Variants in POU6F2 observed in about 807,000 individuals in gnomAD.
POU6F2 encodes POU domain, class 6, transcription factor 2.
Under a neutral mutation model 71.3 loss-of-function variants are expected in POU6F2, and 31 were observed. The observed-to-expected ratio is 0.43, with a 90% CI of 0.33 to 0.59. The LOEUF is 0.59. POU6F2 is among the 20% of genes least tolerant of loss of function. The pLI is 0.04. For synonymous variants in POU6F2, 347 were observed against 355.7 expected, an observed-to-expected ratio of 0.98 and a Z score of 0.27; for missense variants, 783 against 856.8, an observed-to-expected ratio of 0.91 and a Z score of 1.07.
chr7:39,396,391 T>C (rs1200903106), intron 5 of POU6F2, among the ~76,000 whole-genome samples: 1 of 152,218 alleles, frequency 6.6e-6, no homozygotes, highest in East Asian at 1.9e-4. Flanking sequence ...ATTTATTTCC[T>C]TCCCCTCCCT....
intron 5 of POU6F2, among the ~76,000 whole-genome samples, chr7:39,352,582 G>T (rs1188238830): frequency 1.3e-5 from 2 of 152,142 alleles, no homozygotes; most frequent in African/African-American, 4.8e-5. Context: ...ACCTCTTAAG[G>T]GGGCAGGGGT....
Position 39,246,905 on chromosome 7 carries a change from C to CTTTTTTTTTTTTTTTT in POU6F2, c.598+39293_598+39308dup, listed in dbSNP as rs398004470. Among the ~76,000 whole-genome samples the CTTTTTTTTTTTTTTTT allele has an allele frequency of 1.3e-3, 100 of 78,154 alleles. 7 individuals carry two copies. The highest frequency in any genetic ancestry group is 3.3e-3 in the African/African-American group (57 of 17,084). 51.3% of individuals were successfully genotyped at this position (78,154 alleles called of 152,430 possible). Reference sequence around the variant, plus strand: ...CCAGCTCACCCCAAATCCAGGGTGGCTTTTTTTTTTTTTTTTTTTTTTTGC... The same window carrying CTTTTTTTTTTTTTTTT: ...CCAGCTCACCCCAAATCCAGGGTGGCTTTTTTTTTTTTTTTTTTTTTTTTTTTTTTTTTTTTTTTGC... On this transcript the variant is annotated intron_variant, in intron 4 of 9. Coordinates refer to ENST00000518318, the MANE Select transcript of POU6F2 (RefSeq NM_001370959.1).
intron 4 of POU6F2, among the ~76,000 whole-genome samples, chr7:39,253,793 TCTGA>T (rs1783969396): frequency 6.6e-6 from 1 of 152,182 alleles, no homozygotes. Context: ...CGGCTAAGCT[TCTGA>T]TGAAGTTATT....
chr7:39,263,100 T>G (rs1784170141), intron 4 of POU6F2, among the ~76,000 whole-genome samples: 1 of 152,236 alleles, frequency 6.6e-6, no homozygotes, highest in Non-Finnish European at 1.5e-5. Context: ...TTTTGTGTGC[T>G]TTTTATTATT....
intron 6 of POU6F2, among the ~76,000 whole-genome samples, chr7:39,415,260 C>T (rs190440857): frequency 1.5e-3 from 232 of 152,274 alleles, no homozygotes; most frequent in African/African-American, 5.4e-3. Context: ...TGACCTCAGG[C>T]GATCCACCTG....
chr7:39,207,219 A>G (rs1794030854), intron 3 of POU6F2, among the ~76,000 whole-genome samples, 173 bp from the exon 4 acceptor site: 1 of 152,218 alleles, frequency 6.6e-6, no homozygotes, highest in South Asian at 2.1e-4. Flanking sequence ...AATCAATGAA[A>G]TGCAACTTTG....
At chr7:39,182,389 T>C (rs1157465066) in intron 2 of POU6F2, among the ~76,000 whole-genome samples, 1 of 152,236 alleles carries the variant, frequency 6.6e-6, no homozygotes, top group East Asian at 1.9e-4. Flanking sequence ...TGTATACATG[T>C]CTTCACTTCC....
intron 1 of POU6F2, among the ~76,000 whole-genome samples, chr7:39,008,281 T>C (rs996105342): frequency 6.6e-6 from 1 of 151,440 alleles, no homozygotes; most frequent in East Asian, 1.9e-4. Context: ...TGGCCAGTGA[T>C]GATGAGCATT....
At chr7:39,268,927 C>A (rs1784297660) in intron 4 of POU6F2, among the ~76,000 whole-genome samples, 1 of 152,118 alleles carries the variant, frequency 6.6e-6, no homozygotes, top group Admixed American at 6.5e-5. Context: ...ATCCCATGCT[C>A]CTGGATCCCT....
At chr7:39,462,468 G>T (rs185439788) in intron 9 of POU6F2, among the ~76,000 whole-genome samples, 2 of 152,320 alleles carry the variant, frequency 1.3e-5, no homozygotes, top group East Asian at 3.9e-4. Context: ...CCTAGGAGCT[G>T]CTTTAAATCC....
In POU6F2 at chr7:39,085,974, C is replaced by A. The variant is rs775383669; in HGVS notation, c.220C>A (p.Pro74Thr). 16 of 1,613,644 alleles carry A rather than the reference C, an allele frequency of 9.9e-6. No homozygotes were observed. Among genetic ancestry groups the A allele is most frequent in the Non-Finnish European group, 1.4e-5 (16 of 1,179,800 alleles). Residue 74 changes from proline to threonine, a missense_variant, in exon 2 of 10, where the codon CCC (proline) becomes ACC (threonine). By Grantham distance (38) the Pro-to-Thr change is conservative (BLOSUM62 -1). Transcript: ENST00000518318. ...TACTTCAGACAGCGAGCTGAATGAG[C>A]CCCTGCTTGCGCCTGTGGAATCAAA... ...AATSDSELNE[P>T]LLAPVESNDS... is the part of the protein sequence containing the mutation.
intron 2 of POU6F2, among the ~76,000 whole-genome samples, chr7:39,112,763 GGCT>G (rs1176088099): frequency 2.6e-5 from 4 of 152,080 alleles, no homozygotes. Flanking sequence ...AATTAGGCTT[GGCT>G]ACGTAGCTAT....
intron 4 of POU6F2, among the ~76,000 whole-genome samples, chr7:39,250,444 C>T (rs1445265039): frequency 1.3e-5 from 2 of 152,318 alleles, no homozygotes; most frequent in Non-Finnish European, 2.9e-5. Context: ...AAAGATGTGG[C>T]TCACTGATAC....
intron 4 of POU6F2, among the ~76,000 whole-genome samples, chr7:39,335,215 C>T (rs1785743652): frequency 6.6e-6 from 1 of 152,234 alleles, no homozygotes; most frequent in Non-Finnish European, 1.5e-5. Context: ...CCTGCAACCA[C>T]TCTGTTGCTT....
chr7:39,425,021 G>A lies in POU6F2; in HGVS notation c.1114-8056G>A, dbSNP rs145062074. Among the ~76,000 whole-genome samples the A allele has an allele frequency of 7.4e-3, 1,133 of 152,192 alleles. 13 individuals are homozygous for A. The highest frequency in any genetic ancestry group is 0.025 in the African/African-American group (1,054 of 41,508). On this transcript the variant is annotated intron_variant, in intron 6 of 9. Coordinates refer to ENST00000518318, the MANE Select transcript of POU6F2 (RefSeq NM_001370959.1). Reference sequence around the variant, plus strand: ...CTGAGTTGACTCCTACCTGGGAGACGTGTCAATTCCCTGAGATGTGGACTT... The same window carrying A: ...CTGAGTTGACTCCTACCTGGGAGACATGTCAATTCCCTGAGATGTGGACTT...
intron 2 of POU6F2, among the ~76,000 whole-genome samples, chr7:39,188,383 G>T (rs1174839069): frequency 6.6e-6 from 1 of 152,094 alleles, no homozygotes; most frequent in Non-Finnish European, 1.5e-5. Context: ...CATAATCTTG[G>T]CTCACTACAA....
chr7:39,085,758 GGAAGAGAGAGAGA>G (rs1791226662), intron 1 of POU6F2, 89 bp from the exon 2 acceptor site: 8 of 1,154,866 alleles, frequency 6.9e-6, no homozygotes, highest in Middle Eastern at 2.4e-4. Flanking sequence ...GAGTGTGTGT[GGAAGAGAGAGAGA>G]GAAGAGAGAG....
intron 5 of POU6F2, among the ~76,000 whole-genome samples, chr7:39,370,311 AC>A (rs1786582889): frequency 6.6e-6 from 1 of 152,186 alleles, no homozygotes; most frequent in Non-Finnish European, 1.5e-5. Flanking sequence ...GGCAAGACTA[AC>A]GTGCAACATA....
rs1311127948 is a variant in POU6F2 at position 39,015,871 on chromosome 7, A to ATATAGATATATAATATAT, written c.105+37825_105+37826insATATATTATAGATATATA. Among the ~76,000 whole-genome samples the ATATAGATATATAATATAT allele has an allele frequency of 4.5e-4, 30 of 65,978 alleles. 1 individual carries two copies. Among genetic ancestry groups the ATATAGATATATAATATAT allele is most frequent in the Non-Finnish European group, 5.3e-4 (20 of 37,870 alleles). The allele number at this position is 65,978 out of a possible 152,430, so 43.3% of individuals were successfully genotyped here. On this transcript the variant is annotated intron_variant, in intron 1 of 9. Coordinates refer to ENST00000518318, the MANE Select transcript of POU6F2 (RefSeq NM_001370959.1). Reference sequence around the variant, plus strand: ...TATATAGATATATATAATATATTATATATAGATATATATTATATATTATAT... The same window carrying ATATAGATATATAATATAT: ...TATATAGATATATATAATATATTATATATAGATATATAATATATTATAGATATATATTATATATTATAT...
Sources: gnomAD v4.1 joint callset for allele counts (sites outside exome capture counted in the v4.1 genomes callset) on GRCh38, gnomAD v4.1.1 for gene constraint, MANE v1.5 for transcripts, NCBI Gene and HGNC (gene_info 2026-07-23, HGNC 2026-07-21) for gene names.